Variants in KCNK17 observed in about 807,000 individuals in gnomAD.
The protein encoded by KCNK17 is potassium channel subfamily K member 17.
KCNK17 carries 27 observed loss-of-function variants against 24.6 expected under a neutral mutation model. That is an observed-to-expected ratio of 1.10 (90% confidence interval 0.81 to 1.51). The LOEUF is 1.51. KCNK17 is among the 40% of genes most tolerant of loss of function. The pLI, the probability that KCNK17 is intolerant of heterozygous loss-of-function variation, is 0.00. For missense variants in KCNK17, 450 were observed against 436.6 expected (o/e 1.03, Z -0.27); for synonymous variants, 181 against 189.8 (o/e 0.95, Z 0.38).
At chr6:39,313,369 G>A (rs1305515338) in intron 1 of KCNK17, among the ~76,000 whole-genome samples, 1 of 152,190 alleles carries the variant, frequency 6.6e-6, no homozygotes, top group Non-Finnish European at 1.5e-5. Flanking sequence ...CCGAAGACTC[G>A]GAGTAAAGCG....
At chr6:39,308,822 T>C (rs971541004) in intron 2 of KCNK17, among the ~76,000 whole-genome samples, 4 of 152,214 alleles carry the variant, frequency 2.6e-5, no homozygotes, top group Non-Finnish European at 5.9e-5. Flanking sequence ...TCTTCCCTTG[T>C]GGCATTCCAG....
chr6:39,300,638 G>A (rs1055752481), intron 4 of KCNK17: 47 of 1,058,920 alleles, frequency 4.4e-5, no homozygotes, highest in Admixed American at 1.9e-4. Flanking sequence ...ATACGACTGC[G>A]CCCCCTTGGC....
intron 4 of KCNK17, among the ~76,000 whole-genome samples, chr6:39,301,929 G>C (rs1415801992): frequency 6.6e-6 from 1 of 152,206 alleles, no homozygotes; most frequent in African/African-American, 2.4e-5. Flanking sequence ...GAGGTTTGAG[G>C]AATAGGCATG....
intron 1 of KCNK17, among the ~76,000 whole-genome samples, chr6:39,311,671 T>A (rs1762142195): frequency 6.6e-6 from 1 of 152,178 alleles, no homozygotes; most frequent in South Asian, 2.1e-4. Flanking sequence ...TATATAGGCA[T>A]ATAATGTTGT....
At chr6:39,300,417 C>T (rs1484163814) in intron 4 of KCNK17, 1 of 1,435,046 alleles carries the variant, frequency 7.0e-7, no homozygotes, top group Non-Finnish European at 9.6e-7. Flanking sequence ...AGCCACCGTG[C>T]CCGGCCAGAA....
chr6:39,309,132 C>T (rs975199259), intron 2 of KCNK17, among the ~76,000 whole-genome samples: 1 of 152,194 alleles, frequency 6.6e-6, no homozygotes, highest in African/African-American at 2.4e-5. Context: ...TTGAGGCCAG[C>T]CTGGCCAACA....
chr6:39,304,246 G>C (rs1761996362), intron 3 of KCNK17, 115 bp from the exon 4 acceptor site: 1 of 1,046,754 alleles, frequency 9.6e-7, no homozygotes, highest in African/African-American at 1.6e-5. Flanking sequence ...TCTTCACCTG[G>C]TCTGTGTTCT....
intron 2 of KCNK17, 91 bp from the exon 3 acceptor site, chr6:39,304,746 C>G (rs1251493387): frequency 2.1e-6 from 3 of 1,395,954 alleles, no homozygotes; most frequent in Non-Finnish European, 3.0e-6. Flanking sequence ...ACCCCCAGGG[C>G]CCTCATTCTA....
intron 4 of KCNK17, chr6:39,300,494 G>C: frequency 6.4e-7 from 1 of 1,551,300 alleles, no homozygotes; most frequent in Non-Finnish European, 8.7e-7. Flanking sequence ...TCTCTGTTTG[G>C]TTTTCTCGTA....
intron 1 of KCNK17, 64 bp from the exon 2 acceptor site, chr6:39,311,071 TGCACAC>T (rs1206586016): frequency 2.4e-5 from 16 of 662,454 alleles, no homozygotes; most frequent in East Asian, 5.5e-5. Flanking sequence ...TACCCCAAGA[TGCACAC>T]ACACACACAC....
intron 1 of KCNK17, among the ~76,000 whole-genome samples, chr6:39,312,379 T>G (rs1762155109): frequency 1.4e-5 from 2 of 146,480 alleles, no homozygotes; most frequent in African/African-American, 2.5e-5. Context: ...GGGGGTGAGG[T>G]GGGGGTGGAG....
chr6:39,301,579 T>C (rs2113834280), intron 4 of KCNK17, among the ~76,000 whole-genome samples: 1 of 152,372 alleles, frequency 6.6e-6, no homozygotes, highest in South Asian at 2.1e-4. Context: ...CCAGCTTGGC[T>C]TGCTCCTGGT....
intron 2 of KCNK17, among the ~76,000 whole-genome samples, chr6:39,310,127 G>A (rs1762108048): frequency 6.6e-6 from 1 of 152,184 alleles, no homozygotes; most frequent in Admixed American, 6.5e-5. Context: ...GCCACCTGGT[G>A]GCAAGTCCTG....
Position 39,311,009 on chromosome 6 carries a change from T to C in KCNK17, c.238-2A>G. On this transcript the variant is annotated splice_acceptor_variant, in intron 1 of 4. Transcript: ENST00000373231. LOFTEE classifies it high-confidence loss of function. Reference sequence around the variant, plus strand: ...GTTTTTGTATGCTTGGACGACATCCTGGGGAAGAGGCTGCAATGACCACCA... The same window carrying C: ...GTTTTTGTATGCTTGGACGACATCCCGGGGAAGAGGCTGCAATGACCACCA... The C allele has an allele frequency of 6.3e-7, 1 of 1,594,804 alleles. No homozygotes were observed. Among genetic ancestry groups the C allele is most frequent in the Non-Finnish European group, 8.6e-7 (1 of 1,166,506 alleles).
At chr6:39,307,370 G>C (rs1284669285) in intron 2 of KCNK17, among the ~76,000 whole-genome samples, 1 of 152,112 alleles carries the variant, frequency 6.6e-6, no homozygotes, top group Admixed American at 6.5e-5. Flanking sequence ...GCCTTTATGG[G>C]TTTCCTCTTC....
At chr6:39,311,527 C>T (rs1583772821) in intron 1 of KCNK17, among the ~76,000 whole-genome samples, 1 of 152,284 alleles carries the variant, frequency 6.6e-6, no homozygotes, top group Non-Finnish European at 1.5e-5. Context: ...CTCTCTGTGC[C>T]TCAGTTTCCT....
chr6:39,302,799 T>C (rs1301007837), intron 4 of KCNK17, among the ~76,000 whole-genome samples: 1 of 152,112 alleles, frequency 6.6e-6, no homozygotes, highest in African/African-American at 2.4e-5. Flanking sequence ...AGAATTTCCT[T>C]CCAGAGCAAC....
At chr6:39,308,104 C>T (rs368965601) in intron 2 of KCNK17, among the ~76,000 whole-genome samples, 10 of 152,152 alleles carry the variant, frequency 6.6e-5, no homozygotes, top group East Asian at 3.9e-4. Context: ...TTTCTCTAAG[C>T]ACACCCCACT....
Position 39,314,101 on chromosome 6 carries a change from G to A in KCNK17, c.220C>T (p.Leu74=). ...CCCCTGACCCGGATCAGCGAGTCCA[G>A]CGCCGGGCGGTCCAGACACGTGAAG... is the stretch of plus-strand genomic sequence containing the variant. ...QNFTCLDRPA[L]DSLIRDVVQA... is the part of the protein sequence containing the mutation. Residue 74 remains leucine (L), a synonymous_variant, in exon 1 of 5, where the codon CTG becomes TTG. Transcript: ENST00000373231. 1 of 1,586,856 alleles carries A rather than the reference G, an allele frequency of 6.3e-7. No homozygotes were observed. The highest frequency in any genetic ancestry group is 8.6e-7 in the Non-Finnish European group (1 of 1,168,120).
Sources: allele counts gnomAD v4.1 joint callset (sites outside exome capture counted in the v4.1 genomes callset), GRCh38; gene constraint gnomAD v4.1.1; transcripts MANE v1.5; gene names NCBI Gene and HGNC (gene_info 2026-07-23, HGNC 2026-07-21).